ATPSCKMT: variants seen among roughly 807,000 people sequenced by gnomAD.
The protein encoded by ATPSCKMT is ATP synthase c subunit lysine N-methyltransferase.
ATPSCKMT carries 24 observed loss-of-function variants against 24.3 expected under a neutral mutation model. That is an observed-to-expected ratio of 0.99 (90% confidence interval 0.71 to 1.39). The LOEUF is 1.39. Among genes scored for constraint, ATPSCKMT ranks in the 40% most tolerant of loss-of-function variants. The pLI is 0.00. For synonymous variants in ATPSCKMT, 95 were observed against 110.5 expected (o/e 0.86, Z 0.88); for missense variants, 311 against 298.4 (o/e 1.04, Z -0.31).
intron 1 of ATPSCKMT, 119 bp from the exon 2 acceptor site, chr5:10,239,475 T>C: frequency 1.2e-6 from 1 of 853,066 alleles, no homozygotes; most frequent in Non-Finnish European, 1.8e-6. Context: ...ATAATTTAGC[T>C]GAATACAAGC....
chr5:10,236,156 T>G (rs772395401), intron 3 of ATPSCKMT: 1 of 221,694 alleles, frequency 4.5e-6, no homozygotes, highest in East Asian at 1.2e-4. Flanking sequence ...TGGAAAAGTC[T>G]AATATTTATC....
chr5:10,236,565 G>T lies in ATPSCKMT; in HGVS notation c.357C>A (p.Asn119Lys), dbSNP rs1161774001. 1 of 1,614,180 alleles carries T rather than the reference G, an allele frequency of 6.2e-7. No individual in the cohort carries two copies. Among genetic ancestry groups the T allele is most frequent in the East Asian group, 2.2e-5 (1 of 44,880 alleles). Residue 119 changes from asparagine (N) to lysine (K), a missense_variant, in exon 3 of 5, where the codon AAC (asparagine) becomes AAA (lysine). Transcript: ENST00000511437. ...ATCTGGAATACCAAACTAGCCATGG[G>T]TTTAATTCATAACCAACTGCTGTGA... ...KGFTAVGYEL[N>K]PWLVWYSRYR...
Position 10,227,118 on chromosome 5 carries a change from G to A in ATPSCKMT, c.*323C>T, listed in dbSNP as rs181979723. On this transcript the variant is annotated 3_prime_UTR_variant, in exon 5 of 5. Transcript: ENST00000511437. ...TTAAAAATCATTTCTCCTTATCGAGGCATTAAGCCATATTGTTTATAATGT... is the reference window on the plus strand; with the variant it reads ...TTAAAAATCATTTCTCCTTATCGAGACATTAAGCCATATTGTTTATAATGT... 118 of 293,562 alleles carry A rather than the reference G, an allele frequency of 4.0e-4. No individual in the cohort carries two copies. Among genetic ancestry groups the A allele is most frequent in the African/African-American group, 2.5e-3 (116 of 46,164 alleles). 18.2% of individuals were successfully genotyped at this position (293,562 alleles called of 1,614,324 possible).
chr5:10,236,315 T>C (rs1254938738), intron 3 of ATPSCKMT, 163 bp downstream of exon 3: 2 of 834,808 alleles, frequency 2.4e-6, no homozygotes, highest in Non-Finnish European at 1.7e-6. Flanking sequence ...TAAAGGAGAC[T>C]ATTTGTAAAA....
At chr5:10,244,207 A>G (rs192502861) in intron 1 of ATPSCKMT, among the ~76,000 whole-genome samples, 100 of 152,334 alleles carry the variant, frequency 6.6e-4, no homozygotes, top group Non-Finnish European at 1.1e-3. Flanking sequence ...GCCCCAAAAC[A>G]TTTACAATAG....
chr5:10,226,078 A>G lies in ATPSCKMT; in HGVS notation c.*1363T>C, dbSNP rs1240934229. Among the ~76,000 whole-genome samples the G allele has an allele frequency of 6.6e-6, 1 of 152,100 alleles. No homozygotes were observed. Among genetic ancestry groups the G allele is most frequent in the Non-Finnish European group, 1.5e-5 (1 of 68,006 alleles). On this transcript the variant is annotated 3_prime_UTR_variant, in exon 5 of 5. Coordinates refer to ENST00000511437, the MANE Select transcript of ATPSCKMT (RefSeq NM_199133.4). ...GAAGTCCACAACATCACATCCCCTC[A>G]TCTCAGACTCACACAGGTGCTCTCT...
At chr5:10,237,075 T>A in intron 2 of ATPSCKMT, 3 of 1,214,230 alleles carry the variant, frequency 2.5e-6, no homozygotes, top group Non-Finnish European at 3.3e-6. Flanking sequence ...GTTACATATT[T>A]CCTTTGTAGT....
At chr5:10,231,063 A>G (rs1744107377) in intron 4 of ATPSCKMT, among the ~76,000 whole-genome samples, 2 of 152,090 alleles carry the variant, frequency 1.3e-5, no homozygotes, top group Non-Finnish European at 2.9e-5. Context: ...TGACTTTCCC[A>G]GCCAGCTCCG....
Position 10,235,273 on chromosome 5 carries a change from G to T in ATPSCKMT, c.445-12C>A, listed in dbSNP as rs764467109. 28 of 1,611,580 alleles carry T rather than the reference G, an allele frequency of 1.7e-5. No homozygotes were observed. Among genetic ancestry groups the T allele is most frequent in the Non-Finnish European group, 2.4e-5 (28 of 1,178,356 alleles). On this transcript the variant is annotated splice_polypyrimidine_tract_variant and intron_variant, in intron 3 of 4. Transcript: ENST00000511437. ...TGCGAAAAAGTAACCTGAACAAGGT[G>T]GGAAAATAATCAGTAGATTAAGTGC...
chr5:10,242,925 C>T (rs1053876728), intron 1 of ATPSCKMT, among the ~76,000 whole-genome samples: 2 of 152,166 alleles, frequency 1.3e-5, no homozygotes, highest in African/African-American at 4.8e-5. Flanking sequence ...TAGGTTTCAA[C>T]AGTGGGCTTA....
intron 1 of ATPSCKMT, among the ~76,000 whole-genome samples, chr5:10,245,674 C>G (rs4701869): frequency 0.89 from 135,029 of 151,176 alleles, 60,417 homozygotes; most frequent in Admixed American, 0.94. Flanking sequence ...TTAAGCCTGG[C>G]AAGTGGAGGT....
Position 10,227,536 on chromosome 5 carries a change from T to TC in ATPSCKMT, c.606dup (p.Ile203AspfsTer8), listed in dbSNP as rs1561023811. On this transcript the variant is annotated frameshift_variant, in exon 5 of 5. Transcript: ENST00000511437. LOFTEE classifies it low-confidence loss of function (END_TRUNC). The stretch of plus-strand genomic sequence containing the variant: ...GCATCATATGCCCACACTGTGTCTA[T>TC]CCCCTCCCCCGTGACGTGGTCTGGA... 1 of 1,614,110 alleles carries TC rather than the reference T, an allele frequency of 6.2e-7. No individual in the cohort carries two copies.
At chr5:10,229,901 C>T (rs1744045007) in intron 4 of ATPSCKMT, among the ~76,000 whole-genome samples, 2 of 152,252 alleles carry the variant, frequency 1.3e-5, no homozygotes, top group Non-Finnish European at 2.9e-5. Context: ...TTATCAAATA[C>T]TGTGAGCACT....
intron 4 of ATPSCKMT, among the ~76,000 whole-genome samples, chr5:10,229,153 C>T (rs1464337081): frequency 6.6e-6 from 1 of 152,168 alleles, no homozygotes; most frequent in Non-Finnish European, 1.5e-5. Context: ...CCAAATAACA[C>T]TGCGATTCTG....
rs1216674079 is a variant in ATPSCKMT at position 10,240,233 on chromosome 5, CA to C, written c.17-878del. Among the ~76,000 whole-genome samples, 1,061 of 123,538 alleles carry C rather than the reference CA, an allele frequency of 8.6e-3. 2 individuals carry two copies. The highest frequency in any genetic ancestry group is 0.013 in the African/African-American group (452 of 33,554). 81.0% of individuals were successfully genotyped at this position (123,538 alleles called of 152,430 possible). ...GGGGTGACAGAGCGAGACTCTGTCT[CA>C]AAAAAAAAAAAAAGAATAAAAAATA... On this transcript the variant is annotated intron_variant, in intron 1 of 4. Transcript: ENST00000511437.
chr5:10,249,747 C>A (rs1466064196), intron 1 of ATPSCKMT, 111 bp downstream of exon 1: 1 of 1,460,784 alleles, frequency 6.8e-7, no homozygotes, highest in African/African-American at 1.5e-5. Flanking sequence ...GAGCAGCCGC[C>A]CGCACCCGGT....
intron 1 of ATPSCKMT, chr5:10,249,487 G>A: frequency 3.8e-6 from 1 of 265,788 alleles, no homozygotes; most frequent in Non-Finnish European, 7.0e-6. Flanking sequence ...CAGGGAACCC[G>A]AGGGACAAAG....
intron 4 of ATPSCKMT, among the ~76,000 whole-genome samples, chr5:10,231,512 A>C (rs1744136324): frequency 6.6e-6 from 1 of 150,394 alleles, no homozygotes; most frequent in Non-Finnish European, 1.5e-5. Flanking sequence ...CCCCACGCAC[A>C]CTCATGCCAC....
At chr5:10,237,384 T>G (rs934275706) in intron 2 of ATPSCKMT, among the ~76,000 whole-genome samples, 1 of 152,222 alleles carries the variant, frequency 6.6e-6, no homozygotes, top group Non-Finnish European at 1.5e-5. Flanking sequence ...TTCTCCTTGA[T>G]TTATTGATAT....
Sources: allele counts gnomAD v4.1 joint callset (sites outside exome capture counted in the v4.1 genomes callset), GRCh38; gene constraint gnomAD v4.1.1; transcripts MANE v1.5; gene names NCBI Gene and HGNC (gene_info 2026-07-23, HGNC 2026-07-21).